NLGN1: variants seen among roughly 807,000 people sequenced by gnomAD.
The protein encoded by NLGN1 is neuroligin 1.
In NLGN1, 12 loss-of-function variants were observed where a neutral mutation model predicts 65.5. The observed-to-expected ratio is 0.18, with a 90% confidence interval of 0.12 to 0.30. NLGN1 has a LOEUF of 0.30. NLGN1 is among the 10% of genes least tolerant of loss of function. NLGN1 has a pLI of 1.00. For synonymous variants in NLGN1, 350 were observed against 359.5 expected, an observed-to-expected ratio of 0.97 and a Z score of 0.30; for missense variants, 750 against 1,007.1, an observed-to-expected ratio of 0.74 and a Z score of 3.46.
At chr3:173,774,093 G>A (rs1474672054) in intron 3 of NLGN1, among the ~76,000 whole-genome samples, 1 of 152,212 alleles carries the variant, frequency 6.6e-6, no homozygotes, top group Admixed American at 6.5e-5. Flanking sequence ...CCACAGTGGA[G>A]TCTGTTTTTT....
At chr3:174,011,133 C>T (rs900081662) in intron 4 of NLGN1, among the ~76,000 whole-genome samples, 3 of 152,180 alleles carry the variant, frequency 2.0e-5, no homozygotes, top group African/African-American at 7.2e-5. Flanking sequence ...TTACCAGTCA[C>T]TGTGGACAAC....
intron 2 of NLGN1, among the ~76,000 whole-genome samples, chr3:173,574,120 T>G (rs1469970856): frequency 6.7e-6 from 1 of 149,948 alleles, no homozygotes; most frequent in African/African-American, 2.4e-5. Context: ...CATTATATCA[T>G]GAAAGTTCAT....
At chr3:173,600,592 C>CTTTT (rs150984290) in intron 2 of NLGN1, among the ~76,000 whole-genome samples, 7 of 103,514 alleles carry the variant, frequency 6.8e-5, no homozygotes, top group East Asian at 3.3e-4. Flanking sequence ...AAAAACATAT[C>CTTTT]TTTTTTTTTA....
intron 3 of NLGN1, 146 bp from the exon 3 acceptor site, chr3:173,605,388 C>T: frequency 2.3e-6 from 1 of 441,022 alleles, no homozygotes; most frequent in East Asian, 5.3e-5. Flanking sequence ...TCAACATTTC[C>T]TCATTGCATG....
chr3:174,249,674 T>C lies in NLGN1; in HGVS notation c.647-25641T>C, dbSNP rs1270254419. On this transcript the variant is annotated intron_variant, in intron 4 of 6. Transcript: ENST00000457714. The stretch of plus-strand genomic sequence containing the variant: ...ACTTACCTACTTTGTAAAAAGTGAG[T>C]CCTATTCTACTTAAATGAAAGCTAA... Among the ~76,000 whole-genome samples, 3 of 152,204 alleles carry C rather than the reference T, an allele frequency of 2.0e-5. No homozygotes were observed. In the East Asian group the frequency reaches 5.8e-4, roughly 29 times the overall value.
intron 4 of NLGN1, among the ~76,000 whole-genome samples, chr3:174,032,245 C>A (rs555033346): frequency 6.6e-6 from 1 of 152,036 alleles, no homozygotes; most frequent in Admixed American, 6.6e-5. Context: ...TAGAGAGGAA[C>A]AAAGGGAATT....
chr3:174,077,566 T>C (rs1399425182), intron 4 of NLGN1, among the ~76,000 whole-genome samples: 1 of 144,594 alleles, frequency 6.9e-6, no homozygotes, highest in African/African-American at 2.7e-5. Flanking sequence ...TATTTATTTA[T>C]TTATTTTTTT....
chr3:173,800,204 A>G, intron 3 of NLGN1: 1 of 316,794 alleles, frequency 3.2e-6, no homozygotes, highest in Non-Finnish European at 5.4e-6. Flanking sequence ...TGAGAATTTT[A>G]GTATTTATAT....
At chr3:174,195,482 A>T (rs1206432889) in intron 4 of NLGN1, among the ~76,000 whole-genome samples, 1 of 152,176 alleles carries the variant, frequency 6.6e-6, no homozygotes, top group Non-Finnish European at 1.5e-5. Context: ...AGACTAATAA[A>T]CCAGAAAAAT....
chr3:174,279,818 G>T lies in NLGN1; in HGVS notation c.1649+168G>T, dbSNP rs1385127763. ...TATTATGGTGTTTTTAAAAGTCATT[G>T]CTTTATTATTTCTGGTGTTTTAGAA... On this transcript the variant is annotated intron_variant, in intron 6 of 6. Transcript: ENST00000457714. This position sits in a 1 kb window ranked among gnomAD's most constrained non-coding sequence, Gnocchi z 4.7. Among the ~76,000 whole-genome samples, 2 of 151,864 alleles carry T rather than the reference G, an allele frequency of 1.3e-5. No individual in the cohort carries two copies. The highest frequency in any genetic ancestry group is 2.9e-5 in the Non-Finnish European group (2 of 67,922).
chr3:173,431,773 A>G (rs998387671), intron 1 of NLGN1, among the ~76,000 whole-genome samples: 18 of 152,170 alleles, frequency 1.2e-4, no homozygotes, highest in African/African-American at 4.3e-4. Context: ...TTGGTGTAGT[A>G]CAGTCAGTGG....
chr3:173,604,933 A>G (rs201769872), exon 3 of NLGN1: 10 of 1,613,702 alleles, frequency 6.2e-6, no homozygotes, highest in Non-Finnish European at 8.5e-6. Context: ...AATGCCACTC[A>G]ATTTGCTCCT....
chr3:173,862,365 G>A (rs1482612861), intron 4 of NLGN1, among the ~76,000 whole-genome samples: 1 of 151,204 alleles, frequency 6.6e-6, no homozygotes, highest in African/African-American at 2.4e-5. Context: ...AATTAGCCGG[G>A]CGTAGTGGCG....
chr3:173,714,336 A>C (rs1168972562), intron 3 of NLGN1, among the ~76,000 whole-genome samples: 2 of 152,020 alleles, frequency 1.3e-5, no homozygotes, highest in African/African-American at 4.8e-5. Flanking sequence ...AAGTCTTTGG[A>C]GGGTTAATTG....
At chr3:173,948,514 C>T (rs1307335735) in intron 4 of NLGN1, among the ~76,000 whole-genome samples, 1 of 152,114 alleles carries the variant, frequency 6.6e-6, no homozygotes, top group Non-Finnish European at 1.5e-5. Context: ...AATAATTTGT[C>T]CTCTGTAGAA....
At chr3:174,222,634 G>T (rs1031348588) in intron 4 of NLGN1, among the ~76,000 whole-genome samples, 14 of 152,250 alleles carry the variant, frequency 9.2e-5, no homozygotes, top group African/African-American at 3.4e-4. Flanking sequence ...AATCTCATTA[G>T]ATTCAGCTCA....
intron 2 of NLGN1, among the ~76,000 whole-genome samples, chr3:173,518,865 C>G (rs1427533286): frequency 6.6e-6 from 1 of 152,146 alleles, no homozygotes; most frequent in Non-Finnish European, 1.5e-5. Flanking sequence ...AAGGCAAATG[C>G]TTACACAATG....
intron 2 of NLGN1, among the ~76,000 whole-genome samples, chr3:173,443,954 C>T (rs577194157): frequency 1.1e-4 from 17 of 152,282 alleles, no homozygotes; most frequent in South Asian, 2.1e-4. Context: ...TAATAACCAA[C>T]ATAAGATTGT....
At chr3:173,951,372 A>T (rs1357939274) in intron 4 of NLGN1, among the ~76,000 whole-genome samples, 1 of 152,018 alleles carries the variant, frequency 6.6e-6, no homozygotes, top group East Asian at 1.9e-4. Context: ...TGATTAGTAT[A>T]TTAATAACTC....
Sources: gnomAD v4.1 joint callset for allele counts (sites outside exome capture counted in the v4.1 genomes callset) on GRCh38, gnomAD v4.1.1 for gene constraint, Gnocchi (gnomAD v3.1) non-coding constraint, MANE v1.5 for transcripts, NCBI Gene and HGNC (gene_info 2026-07-23, HGNC 2026-07-21) for gene names.